Variants in ATRNL1 observed in about 807,000 individuals in gnomAD.
The protein encoded by ATRNL1 is attractin-like protein 1.
Under a neutral mutation model 182.7 loss-of-function variants are expected in ATRNL1, and 95 were observed. That is an observed-to-expected ratio of 0.52 (90% CI 0.44 to 0.62). The LOEUF is 0.62. Among genes scored for constraint, ATRNL1 ranks in the 20% least tolerant of loss-of-function variants. The pLI is 0.00. For missense variants in ATRNL1, 1,471 were observed against 1,679.5 expected (o/e 0.88, Z 2.17); for synonymous variants, 576 against 568.3 (o/e 1.01, Z -0.19).
Position 115,281,376 on chromosome 10 carries a change from T to A in ATRNL1, c.2122T>A (p.Cys708Ser), listed in dbSNP as rs1554916741. 1 of 1,612,904 alleles carries A rather than the reference T, an allele frequency of 6.2e-7. No homozygotes were observed. The highest frequency in any genetic ancestry group is 2.2e-5 in the East Asian group (1 of 44,724). The change falls in exon 14 of 29, where the codon TGT becomes AGT. Residue 708 changes from cysteine (C) to serine (S), a missense_variant. By Grantham distance (112) the Cys-to-Ser change is moderately radical (BLOSUM62 -1). Transcript: ENST00000355044. ...CSMSVKNYTK[C>S]HVRNEQICNK... ...GTAGTCTGTCAAGAACTACACCAAA[T>A]GTCATGTGAGAAATGAGCAGATTTG...
At chr10:115,127,050 A>G (rs1360714914) in intron 3 of ATRNL1, among the ~76,000 whole-genome samples, 9 of 152,200 alleles carry the variant, frequency 5.9e-5, no homozygotes, top group African/African-American at 2.2e-4. Flanking sequence ...TTAGAAAAAC[A>G]TTAAAGTCTA....
chr10:115,655,768 A>G (rs1860290765), intron 26 of ATRNL1, among the ~76,000 whole-genome samples: 2 of 152,190 alleles, frequency 1.3e-5, no homozygotes, highest in African/African-American at 2.4e-5. Flanking sequence ...TATCCTACCA[A>G]TGATCATGTC....
chr10:115,773,918 T>C (rs995167674), intron 27 of ATRNL1, among the ~76,000 whole-genome samples: 1 of 152,172 alleles, frequency 6.6e-6, no homozygotes, highest in Non-Finnish European at 1.5e-5. Flanking sequence ...TGATCTTCTA[T>C]GGGAAAGTAT....
intron 9 of ATRNL1, among the ~76,000 whole-genome samples, chr10:115,232,215 G>A (rs1592295723): frequency 1.3e-5 from 2 of 152,056 alleles, no homozygotes; most frequent in Non-Finnish European, 2.9e-5. Flanking sequence ...TCTACCAGGG[G>A]TGAATGACAG....
intron 27 of ATRNL1, among the ~76,000 whole-genome samples, chr10:115,832,014 G>C (rs1950572306): frequency 6.6e-6 from 1 of 152,064 alleles, no homozygotes; most frequent in Non-Finnish European, 1.5e-5. Context: ...AAAATATGGA[G>C]CTATTTACAG....
chr10:115,765,850 T>A (rs972791692), intron 27 of ATRNL1, among the ~76,000 whole-genome samples: 6 of 152,184 alleles, frequency 3.9e-5, no homozygotes, highest in Non-Finnish European at 7.3e-5. Flanking sequence ...CTGTATAGTG[T>A]TCCACAGTAC....
intron 27 of ATRNL1, among the ~76,000 whole-genome samples, chr10:115,776,340 G>A (rs933579711): frequency 2.0e-5 from 3 of 152,176 alleles, no homozygotes; most frequent in African/African-American, 4.8e-5. Flanking sequence ...CTCCCTAGAA[G>A]AATGTGACCT....
chr10:115,531,327 G>T (rs184522346), intron 25 of ATRNL1, among the ~76,000 whole-genome samples: 63 of 152,108 alleles, frequency 4.1e-4, no homozygotes, highest in African/African-American at 1.3e-3. Context: ...ATTCTGACTG[G>T]TGTGAGATGG....
chr10:115,217,767 C>G (rs1314520584), intron 9 of ATRNL1, among the ~76,000 whole-genome samples: 1 of 152,082 alleles, frequency 6.6e-6, no homozygotes, highest in South Asian at 2.1e-4. Context: ...ATTTTAAACA[C>G]CTCATTACAA....
intron 25 of ATRNL1, among the ~76,000 whole-genome samples, chr10:115,525,993 A>T (rs1158720518): frequency 6.6e-6 from 1 of 151,982 alleles, no homozygotes; most frequent in Non-Finnish European, 1.5e-5. Context: ...AATCCCCCTA[A>T]TCAGTCTGGC....
At position 115,541,142 on chromosome 10, in the gene ATRNL1, C is replaced by T. The variant is rs187229219; in HGVS notation, c.3717-8316C>T. The stretch of plus-strand genomic sequence containing the variant: ...TGACGAGTCAAGTCACACAGTAGTA[C>T]GAAATATTTGCAAACTGTATAAAAG... On this transcript the variant is annotated intron_variant, in intron 25 of 28. Coordinates refer to ENST00000355044, the MANE Select transcript of ATRNL1 (RefSeq NM_207303.4). 2.7e-3 allele frequency among the ~76,000 whole-genome samples: 406 copies of T among 152,186 alleles called. 1 individual carries two copies. The highest frequency in any genetic ancestry group is 9.1e-3 in the African/African-American group (376 of 41,540).
chr10:115,587,207 G>T (rs1225360611), intron 26 of ATRNL1, among the ~76,000 whole-genome samples: 1 of 151,646 alleles, frequency 6.6e-6, no homozygotes, highest in Non-Finnish European at 1.5e-5. Context: ...CTGTCTTTTT[G>T]TTTGTCTGTG....
At chr10:115,445,103 C>T (rs1846895025) in intron 21 of ATRNL1, among the ~76,000 whole-genome samples, 1 of 151,764 alleles carries the variant, frequency 6.6e-6, no homozygotes, top group African/African-American at 2.4e-5. Flanking sequence ...AATATTACTT[C>T]TTTTTTTTAT....
At chr10:115,603,141 C>T (rs1046020146) in intron 26 of ATRNL1, among the ~76,000 whole-genome samples, 13 of 152,040 alleles carry the variant, frequency 8.6e-5, no homozygotes, top group African/African-American at 2.4e-4. Context: ...ATTTAATGGA[C>T]GTTTCATTTC....
Position 115,180,171 on chromosome 10 carries a change from T to G in ATRNL1, c.1348+8879T>G, listed in dbSNP as rs1245734687. Among the ~76,000 whole-genome samples the G allele has an allele frequency of 2.0e-5, 3 of 152,038 alleles. No homozygotes were observed. The East Asian group carries it at 5.8e-4, about 29-fold the overall frequency. On this transcript the variant is annotated intron_variant, in intron 8 of 28. Transcript: ENST00000355044. ...TTAAGTTTTCTCTTTAAAATCATGT[T>G]AATTTAAAAAAATTGTTGATTTTTT...
At chr10:115,118,799 G>A (rs1554870702) in intron 1 of ATRNL1, among the ~76,000 whole-genome samples, 1 of 152,040 alleles carries the variant, frequency 6.6e-6, no homozygotes, top group Non-Finnish European at 1.5e-5. Context: ...CTGGATCTTG[G>A]CTTTGTACAT....
At chr10:115,756,123 C>T (rs1303134967) in intron 27 of ATRNL1, among the ~76,000 whole-genome samples, 1 of 151,980 alleles carries the variant, frequency 6.6e-6, no homozygotes, top group African/African-American at 2.4e-5. Flanking sequence ...ACCAGCTCCT[C>T]GATTCATTGA....
At position 115,945,662 on chromosome 10, in the gene ATRNL1, C is replaced by A. The variant is rs1469955987; in HGVS notation, c.*883C>A. On this transcript the variant is annotated 3_prime_UTR_variant, in exon 29 of 29. Coordinates refer to ENST00000355044, the MANE Select transcript of ATRNL1 (RefSeq NM_207303.4). ...GGATCAGACCTAAATGATCCATCTG[C>A]ATTTTTATAAGAATGGATCTTTCTT... 6.6e-6 allele frequency: 1 copy of A among 152,174 alleles called. No homozygotes were observed. Among genetic ancestry groups the A allele is most frequent in the Non-Finnish European group, 1.5e-5 (1 of 68,032 alleles). 9.4% of individuals were successfully genotyped at this position (152,174 alleles called of 1,614,324 possible).
intron 27 of ATRNL1, among the ~76,000 whole-genome samples, chr10:115,747,263 A>G (rs1236497168): frequency 3.3e-5 from 5 of 152,146 alleles, no homozygotes; most frequent in Admixed American, 3.3e-4. Context: ...TAGAATGATG[A>G]TCCTTTATCT....
Sources: gnomAD v4.1 joint callset for allele counts (sites outside exome capture counted in the v4.1 genomes callset) on GRCh38, gnomAD v4.1.1 for gene constraint, MANE v1.5 for transcripts, NCBI Gene and HGNC (gene_info 2026-07-23, HGNC 2026-07-21) for gene names.